The following FBN1 variants were observed in gnomAD, a reference collection of about 807,000 sequenced individuals.
The protein encoded by FBN1 is fibrillin-1.
Under a neutral mutation model 365.1 loss-of-function variants are expected in FBN1, and 29 were observed. The observed-to-expected ratio is 0.08, with a 90% confidence interval of 0.06 to 0.11. The LOEUF (loss-of-function observed/expected upper bound fraction) is 0.11, where lower values mean the gene tolerates loss of function less well. Ranked by LOEUF, FBN1 falls within the 10% of genes least tolerant of loss-of-function variation. FBN1 has a pLI of 1.00. For synonymous variants in FBN1, 1,210 were observed against 1,270.5 expected (o/e 0.95, Z 1.01); for missense variants, 2,476 against 3,703.2 (o/e 0.67, Z 8.60).
rs375217853 is a variant in FBN1, at chr15:48,494,190, G to C, written c.2728+14C>G. On this transcript the variant is annotated intron_variant, in intron 23 of 65. Coordinates refer to ENST00000316623, the MANE Select transcript of FBN1 (RefSeq NM_000138.5). ...GCACACAAAAATGTATGGTTTATAA[G>C]TAATCAGAAATACCTTCACATTGTG... 6.3e-6 allele frequency: 10 copies of C among 1,596,048 alleles called. No individual in the cohort carries two copies. Among genetic ancestry groups the C allele is most frequent in the Non-Finnish European group, 8.6e-6 (10 of 1,163,896 alleles).
intron 27 of FBN1, among the ~76,000 whole-genome samples, chr15:48,487,868 T>C (rs1016660835): frequency 9.9e-5 from 15 of 152,216 alleles, no homozygotes; most frequent in Non-Finnish European, 1.5e-4. Context: ...CTCTTCCGCC[T>C]GGGTATCCAT....
Position 48,450,851 on chromosome 15 carries a change from T to C in FBN1, c.5545+1711A>G, listed in dbSNP as rs1299500109. On this transcript the variant is annotated intron_variant, in intron 45 of 65. Coordinates refer to ENST00000316623, the MANE Select transcript of FBN1 (RefSeq NM_000138.5). ...TTAAACAGATGCACAAAGGAGTACT[T>C]TGCAGCATGCCTGAAAAAAAAAATG... Among the ~76,000 whole-genome samples the C allele has an allele frequency of 3.3e-5, 5 of 151,000 alleles. No individual in the cohort carries two copies. In the East Asian group the frequency reaches 1.0e-3, roughly 31 times the overall value.
At chr15:48,523,725 A>C (rs966529462) in intron 9 of FBN1, among the ~76,000 whole-genome samples, 12 of 138,042 alleles carry the variant, frequency 8.7e-5, no homozygotes, top group East Asian at 6.2e-4. Context: ...GGGGGGGGGA[A>C]CCGTTGTGGT....
At chr15:48,466,349 A>T (rs1447992112) in intron 38 of FBN1, among the ~76,000 whole-genome samples, 1 of 152,168 alleles carries the variant, frequency 6.6e-6, no homozygotes, top group Non-Finnish European at 1.5e-5. Flanking sequence ...TAATGACTAG[A>T]GACATTTCTT....
intron 6 of FBN1, among the ~76,000 whole-genome samples, chr15:48,545,849 C>A (rs2044089543): frequency 6.6e-6 from 1 of 151,992 alleles, no homozygotes; most frequent in African/African-American, 2.4e-5. Context: ...CAGCAAAACC[C>A]CATCTTTACA....
chr15:48,606,166 G>A (rs1432705126), intron 4 of FBN1, among the ~76,000 whole-genome samples: 2 of 152,132 alleles, frequency 1.3e-5, no homozygotes, highest in East Asian at 1.9e-4. Flanking sequence ...AAAACAGTTT[G>A]ACAGTTCTTA....
rs752007806 is a variant in FBN1 at position 48,498,964 on chromosome 15, A to C, written c.2167+21T>G. The C allele has an allele frequency of 4.3e-6, 7 of 1,613,244 alleles. No homozygotes were observed. In the Admixed American group the frequency reaches 6.7e-5, roughly 15 times the overall value. ...GCCTCTGCACATACTGAAGGTAGTA[A>C]ATTTTGAAAGGAATCCTTACCACTG... On this transcript the variant is annotated intron_variant, in intron 18 of 65. Transcript: ENST00000316623.
intron 6 of FBN1, among the ~76,000 whole-genome samples, chr15:48,561,779 C>G (rs1316921269): frequency 2.0e-5 from 3 of 152,156 alleles, no homozygotes; most frequent in Non-Finnish European, 2.9e-5. Context: ...TAAAGCTCAT[C>G]TTGAAATGGT....
At chr15:48,434,793 A>T in intron 53 of FBN1, 80 bp from the exon 54 acceptor site, 2 of 1,547,956 alleles carry the variant, frequency 1.3e-6, no homozygotes, top group Non-Finnish European at 1.8e-6. Context: ...TTTAAACTGT[A>T]ATTTTGTTGT....
At chr15:48,587,295 C>T (rs1164857232) in intron 6 of FBN1, among the ~76,000 whole-genome samples, 1 of 152,176 alleles carries the variant, frequency 6.6e-6, no homozygotes, top group Non-Finnish European at 1.5e-5. Context: ...TTCCTGAATG[C>T]CGTCTATAAG....
intron 10 of FBN1, 148 bp downstream of exon 10, chr15:48,520,511 T>C: frequency 4.4e-6 from 4 of 900,312 alleles, no homozygotes; most frequent in Non-Finnish European, 5.0e-6. Context: ...GTGCATTTTC[T>C]AGGGAAATTT....
chr15:48,567,897 G>A lies in FBN1; in HGVS notation c.538+28386C>T, dbSNP rs115456475. On this transcript the variant is annotated intron_variant, in intron 6 of 65. Transcript: ENST00000316623. ...ACAAATGCTTTCTTTCTAATATCAG[G>A]AGCAAGATAAGGATATCAGTTCTTG... Among the ~76,000 whole-genome samples, 1,063 of 151,784 alleles carry A rather than the reference G, an allele frequency of 7.0e-3. 18 individuals carry two copies. Among genetic ancestry groups the A allele is most frequent in the African/African-American group, 0.025 (1,016 of 41,374 alleles).
chr15:48,540,982 T>C (rs1005125133), intron 6 of FBN1, among the ~76,000 whole-genome samples: 2 of 152,148 alleles, frequency 1.3e-5, no homozygotes, highest in Non-Finnish European at 2.9e-5. Flanking sequence ...GATACAAATA[T>C]GGTGTTTTGT....
rs762500537 is a variant in FBN1, at chr15:48,505,164, C to T, written c.1838-17G>A. On this transcript the variant is annotated splice_polypyrimidine_tract_variant and intron_variant, in intron 15 of 65. Transcript: ENST00000316623. Reference sequence around the variant, plus strand: ...CGTTAATGTCTGTGGCAGAGAAAGGCACTTATTAAAAATGAAGTGACATTT... The same window carrying T: ...CGTTAATGTCTGTGGCAGAGAAAGGTACTTATTAAAAATGAAGTGACATTT... 46 of 1,613,944 alleles carry T rather than the reference C, an allele frequency of 2.9e-5. No homozygotes were observed. Among genetic ancestry groups the T allele is most frequent in the Non-Finnish European group, 3.8e-5 (45 of 1,179,888 alleles).
At position 48,534,137 on chromosome 15, in the gene FBN1, A is replaced by G; in HGVS notation, c.805T>C (p.Phe269Leu). 1.2e-6 allele frequency: 2 copies of G among 1,613,966 alleles called. No homozygotes were observed. The highest frequency in any genetic ancestry group is 2.2e-5 in the South Asian group (2 of 91,074). ...TGTCCAGCAGGGCATTTGCACTCAAAAGACCCAACAGTATTAATGCAATTT... is the reference window on the plus strand; with the variant it reads ...TGTCCAGCAGGGCATTTGCACTCAAGAGACCCAACAGTATTAATGCAATTT... ...GGNCINTVGS[F>L]ECKCPAGHKL... Residue 269 changes from phenylalanine (F) to leucine (L), a missense_variant, in exon 8 of 66, where the codon TTT becomes CTT. Around this residue, in one of 5 missense-constraint regions of FBN1, gnomAD observed 421 missense variants for 520.1 expected, o/e 0.81. Transcript: ENST00000316623.
intron 6 of FBN1, among the ~76,000 whole-genome samples, chr15:48,545,784 G>A (rs1233370285): frequency 6.6e-6 from 1 of 152,174 alleles, no homozygotes; most frequent in African/African-American, 2.4e-5. Context: ...CACTTTGGGA[G>A]GACGAGGCAG....
intron 16 of FBN1, 76 bp downstream of exon 16, chr15:48,504,949 C>A (rs17361868): frequency 6.3e-7 from 1 of 1,577,264 alleles, no homozygotes; most frequent in Non-Finnish European, 8.7e-7. Flanking sequence ...CAGTAGAGAG[C>A]GTTTGTTACC....
intron 6 of FBN1, among the ~76,000 whole-genome samples, chr15:48,551,338 G>T (rs2044140240): frequency 1.3e-5 from 2 of 152,034 alleles, no homozygotes; most frequent in African/African-American, 4.8e-5. Flanking sequence ...CCCACAATCT[G>T]CAAGACACAC....
intron 2 of FBN1, among the ~76,000 whole-genome samples, chr15:48,627,614 C>G (rs1442664207): frequency 6.6e-6 from 1 of 151,954 alleles, no homozygotes; most frequent in East Asian, 1.9e-4. Context: ...GCTCGAAGGC[C>G]TGGGTGATCC....
Sources: allele counts gnomAD v4.1 joint callset (sites outside exome capture counted in the v4.1 genomes callset), GRCh38; gene constraint gnomAD v4.1.1; regional missense constraint gnomAD v4.1.1; transcripts MANE v1.5; gene names NCBI Gene and HGNC (gene_info 2026-07-23, HGNC 2026-07-21).